GNG12: variants seen among roughly 807,000 people sequenced by gnomAD.
GNG12 encodes the protein guanine nucleotide-binding protein G(I)/G(S)/G(O) subunit gamma-12.
For missense variants in GNG12, 69 were observed against 83.8 expected (o/e 0.82, Z 0.69); for synonymous variants, 28 against 29.7 (o/e 0.94, Z 0.19).
chr1:67,755,381 G>A (rs1265102362), intron 2 of GNG12, among the ~76,000 whole-genome samples: 1 of 152,142 alleles, frequency 6.6e-6, no homozygotes, highest in Non-Finnish European at 1.5e-5. Flanking sequence ...TGTCTTAGAG[G>A]TACTTATTAG....
intron 2 of GNG12, among the ~76,000 whole-genome samples, chr1:67,754,482 A>G (rs949346276): frequency 1.3e-5 from 2 of 152,084 alleles, no homozygotes; most frequent in East Asian, 1.9e-4. Flanking sequence ...TCAAATTAGT[A>G]TATTTTTACC....
chr1:67,798,762 T>C (rs1646846769), intron 1 of GNG12, among the ~76,000 whole-genome samples: 1 of 152,106 alleles, frequency 6.6e-6, no homozygotes, highest in African/African-American at 2.4e-5. Flanking sequence ...GAGACCATCC[T>C]GGCCAACATA....
intron 2 of GNG12, among the ~76,000 whole-genome samples, chr1:67,756,829 G>A (rs1204878723): frequency 6.6e-6 from 1 of 152,136 alleles, no homozygotes; most frequent in Non-Finnish European, 1.5e-5. Flanking sequence ...CAACTGGTCT[G>A]CCCGGGTCAT....
intron 1 of GNG12, among the ~76,000 whole-genome samples, chr1:67,779,799 C>G (rs149639683): frequency 6.6e-6 from 1 of 152,122 alleles, no homozygotes; most frequent in African/African-American, 2.4e-5. Context: ...GTGTGAATAT[C>G]GTAGGGTGTA....
intron 2 of GNG12, among the ~76,000 whole-genome samples, chr1:67,760,694 C>T (rs1463997466): frequency 6.6e-6 from 1 of 152,196 alleles, no homozygotes; most frequent in Non-Finnish European, 1.5e-5. Context: ...AAATTTGATC[C>T]TCAGCAAGAT....
chr1:67,833,298 C>T, intron 1 of GNG12, 46 bp downstream of exon 1: 1 of 787,982 alleles, frequency 1.3e-6, no homozygotes, highest in Non-Finnish European at 1.5e-6. Context: ...CGCCCCGACC[C>T]CGCGGGGACC....
intron 2 of GNG12, among the ~76,000 whole-genome samples, chr1:67,734,775 C>T (rs1003661444): frequency 2.6e-5 from 4 of 152,230 alleles, no homozygotes; most frequent in African/African-American, 9.6e-5. Flanking sequence ...TACAGGCACA[C>T]TACAGGGTCT....
At chr1:67,748,373 A>G (rs1331029916) in intron 2 of GNG12, among the ~76,000 whole-genome samples, 1 of 152,204 alleles carries the variant, frequency 6.6e-6, no homozygotes, top group African/African-American at 2.4e-5. Flanking sequence ...CTGAAACCAT[A>G]CCATAGGCTA....
chr1:67,818,641 T>C (rs1256532270), intron 1 of GNG12, among the ~76,000 whole-genome samples: 1 of 152,084 alleles, frequency 6.6e-6, no homozygotes, highest in East Asian at 1.9e-4. Flanking sequence ...GATCAAGCTT[T>C]GCCTGGCACT....
Position 67,827,648 on chromosome 1 carries a change from C to A in GNG12, c.-77+5696G>T, listed in dbSNP as rs191561525. Among the ~76,000 whole-genome samples the A allele has an allele frequency of 1.5e-3, 233 of 151,856 alleles. 4 individuals are homozygous for A. Among genetic ancestry groups the A allele is most frequent in the Admixed American group, 0.014 (211 of 15,240 alleles). On this transcript the variant is annotated intron_variant, in intron 1 of 3. Transcript: ENST00000370982. ...CATCATGTTAGCCAGGATGGTCTCG[C>A]TCTCCTGACCTTGTGATCCACCCGC...
At chr1:67,807,863 T>C (rs1164184970) in intron 1 of GNG12, among the ~76,000 whole-genome samples, 1 of 152,164 alleles carries the variant, frequency 6.6e-6, no homozygotes, top group East Asian at 1.9e-4. Context: ...ATGGATTCAC[T>C]TGTGAATTCT....
chr1:67,829,663 T>C (rs986061068), intron 1 of GNG12, among the ~76,000 whole-genome samples: 1 of 152,186 alleles, frequency 6.6e-6, no homozygotes, highest in Non-Finnish European at 1.5e-5. Context: ...GAAGCATAGA[T>C]TAAGTAACTT....
In GNG12 at chr1:67,746,168, G is replaced by C. The variant is rs982778538; in HGVS notation, c.-27+31290C>G. Among the ~76,000 whole-genome samples, 3 of 152,118 alleles carry C rather than the reference G, an allele frequency of 2.0e-5. No homozygotes were observed. In the East Asian group the frequency reaches 5.8e-4, roughly 29 times the overall value. On this transcript the variant is annotated intron_variant, in intron 2 of 3. Coordinates refer to ENST00000370982, the MANE Select transcript of GNG12 (RefSeq NM_018841.6). Reference sequence around the variant, plus strand: ...GGCAGAGTTAAGATACTATAAAGTTGTTAAATTAACATACTCAGCAGGTCC... The same window carrying C: ...GGCAGAGTTAAGATACTATAAAGTTCTTAAATTAACATACTCAGCAGGTCC...
At chr1:67,705,654 GC>G (rs1358038914) in intron 3 of GNG12, 78 bp from the exon 4 acceptor site, 7 of 1,498,224 alleles carry the variant, frequency 4.7e-6, no homozygotes, top group East Asian at 2.4e-5. Flanking sequence ...TGAATGCTAG[GC>G]TATTGAATGG....
chr1:67,711,591 T>C (rs920532440), intron 2 of GNG12, among the ~76,000 whole-genome samples: 1 of 152,224 alleles, frequency 6.6e-6, no homozygotes. Flanking sequence ...ACAGTCTGTC[T>C]GGGTGTGGTA....
intron 2 of GNG12, among the ~76,000 whole-genome samples, chr1:67,766,139 CACACACACA>C (rs1557610109): frequency 3.6e-4 from 53 of 147,880 alleles, no homozygotes; most frequent in African/African-American, 1.2e-3. Flanking sequence ...CACACACACA[CACACACACA>C]CCCCTAAACA....
At chr1:67,800,478 C>T (rs1018441098) in intron 1 of GNG12, among the ~76,000 whole-genome samples, 2 of 152,162 alleles carry the variant, frequency 1.3e-5, no homozygotes, top group African/African-American at 2.4e-5. Flanking sequence ...GACATTCTTT[C>T]AAGCAAAAGC....
chr1:67,807,376 T>C (rs1378098091), intron 1 of GNG12, among the ~76,000 whole-genome samples: 1 of 150,006 alleles, frequency 6.7e-6, no homozygotes, highest in Non-Finnish European at 1.5e-5. Flanking sequence ...CTTAAGAAAC[T>C]AGAAAAAATA....
In GNG12 at chr1:67,754,352, T is replaced by A. The variant is rs575437605; in HGVS notation, c.-27+23106A>T. Among the ~76,000 whole-genome samples, 6 of 152,208 alleles carry A rather than the reference T, an allele frequency of 3.9e-5. 1 individual carries two copies. The highest frequency in any genetic ancestry group is 3.9e-4 in the Admixed American group (6 of 15,286). On this transcript the variant is annotated intron_variant, in intron 2 of 3. Transcript: ENST00000370982. ...TTGTTGTGGTCTCCAGCTCAGGGAG[T>A]GGCACTGTCATCCAGGCAGCTGCCG...
Sources: gnomAD v4.1 joint callset for allele counts (sites outside exome capture counted in the v4.1 genomes callset) on GRCh38, gnomAD v4.1.1 for gene constraint, MANE v1.5 for transcripts, NCBI Gene and HGNC (gene_info 2026-07-23, HGNC 2026-07-21) for gene names.